TMEM150C: variants seen among roughly 807,000 people sequenced by gnomAD.
TMEM150C encodes tentonin 3.
In TMEM150C, 10 loss-of-function variants were observed where a neutral mutation model predicts 29.9. The observed-to-expected ratio is 0.33, with a 90% CI of 0.21 to 0.57. The LOEUF (loss-of-function observed/expected upper bound fraction) is 0.57. TMEM150C is among the 20% of genes least tolerant of loss of function. The pLI, the probability that TMEM150C is intolerant of heterozygous loss-of-function variation, is 0.88. For synonymous variants in TMEM150C, 101 were observed against 112.5 expected, an observed-to-expected ratio of 0.90 and a Z score of 0.64; for missense variants, 251 against 303.6, an observed-to-expected ratio of 0.83 and a Z score of 1.29.
At chr4:82,499,925 G>C (rs910879123) in intron 5 of TMEM150C, among the ~76,000 whole-genome samples, 4 of 152,070 alleles carry the variant, frequency 2.6e-5, no homozygotes, top group Admixed American at 2.0e-4. Context: ...TTATGACTGC[G>C]GTAGAACACA....
intron 5 of TMEM150C, among the ~76,000 whole-genome samples, chr4:82,499,443 C>T (rs901149363): frequency 9.2e-5 from 14 of 152,030 alleles, no homozygotes; most frequent in African/African-American, 2.4e-4. Flanking sequence ...AAATAGAGGC[C>T]GGGCGCGGTG....
chr4:82,512,092 T>C (rs1724145648), intron 1 of TMEM150C, among the ~76,000 whole-genome samples: 1 of 152,222 alleles, frequency 6.6e-6, no homozygotes, highest in Admixed American at 6.5e-5. Flanking sequence ...CCTTTGAACC[T>C]GGCCCATGAG....
Position 82,485,547 on chromosome 4 carries a change from C to G in TMEM150C, c.714G>C (p.Leu238=). The G allele has an allele frequency of 6.2e-7, 1 of 1,608,340 alleles. No homozygotes were observed. The highest frequency in any genetic ancestry group is 1.3e-5 in the African/African-American group (1 of 74,988). The change falls in exon 8 of 8, where the codon CTG becomes CTC. Residue 238 remains leucine, a synonymous_variant. Transcript: ENST00000449862. The part of the protein sequence containing the change: ...QENFLSFSES[L]SEASEYQTDQ... ...CAGTCTGATATTCAGAAGCTTCTGA[C>G]AGGCTTTCTGAGAAGCTTAGGAAAT...
rs138289297 is a variant in TMEM150C at position 82,559,133 on chromosome 4, T to C, written c.-11+2773A>G. Among the ~76,000 whole-genome samples the C allele has an allele frequency of 9.9e-3, 1,505 of 152,266 alleles. 16 individuals carry two copies. The highest frequency in any genetic ancestry group is 0.015 in the Non-Finnish European group (1,049 of 68,032). ...CTATCCCAAAACCTACAAAAACTAA[T>C]GATAATCCCACCACCCTTTGCTGAC... On this transcript the variant is annotated intron_variant, in intron 1 of 7. Coordinates refer to ENST00000449862, the MANE Select transcript of TMEM150C (RefSeq NM_001080506.3).
chr4:82,490,321 A>G (rs937827614), intron 6 of TMEM150C, 83 bp from the exon 7 acceptor site: 39 of 1,143,168 alleles, frequency 3.4e-5, no homozygotes, highest in Admixed American at 2.0e-4. Context: ...ATATGAGGGG[A>G]AAAGATAGGA....
chr4:82,493,523 A>T lies in TMEM150C; in HGVS notation c.363+2545T>A, dbSNP rs1723439235. Reference sequence around the variant, plus strand: ...CATGTATTCTGTTATATTCCGGCAAACGTTCTTCATAAGTAGTGTCAACAT... The same window carrying T: ...CATGTATTCTGTTATATTCCGGCAATCGTTCTTCATAAGTAGTGTCAACAT... On this transcript the variant is annotated intron_variant, in intron 6 of 7. Transcript: ENST00000449862. 1.3e-5 allele frequency among the ~76,000 whole-genome samples: 2 copies of T among 152,186 alleles called. 1 individual carries two copies. The highest frequency in any genetic ancestry group is 4.8e-5 in the African/African-American group (2 of 41,454).
intron 1 of TMEM150C, among the ~76,000 whole-genome samples, chr4:82,553,092 G>C (rs960191795): frequency 6.6e-6 from 1 of 152,076 alleles, no homozygotes; most frequent in Non-Finnish European, 1.5e-5. Context: ...CACCTTTATG[G>C]GCCACCTGGT....
chr4:82,525,004 A>C (rs1220500975), intron 1 of TMEM150C, among the ~76,000 whole-genome samples: 1 of 152,204 alleles, frequency 6.6e-6, no homozygotes, highest in Non-Finnish European at 1.5e-5. Flanking sequence ...GTACTGGGGG[A>C]GCAGGAACCT....
chr4:82,529,073 G>A (rs1266465413), intron 1 of TMEM150C, among the ~76,000 whole-genome samples: 1 of 152,086 alleles, frequency 6.6e-6, no homozygotes, highest in Non-Finnish European at 1.5e-5. Flanking sequence ...AGTGTGTGAA[G>A]GGAGAGAGGA....
At chr4:82,526,271 C>A (rs533067143) in intron 1 of TMEM150C, among the ~76,000 whole-genome samples, 1 of 152,144 alleles carries the variant, frequency 6.6e-6, no homozygotes, top group African/African-American at 2.4e-5. Context: ...GAGATAAGGA[C>A]AACTATATTT....
At chr4:82,536,356 C>CA (rs567469021) in intron 1 of TMEM150C, among the ~76,000 whole-genome samples, 4,764 of 78,892 alleles carry the variant, frequency 0.06, 222 homozygotes, top group African/African-American at 0.11. Context: ...GACTCCATCT[C>CA]AAAAAAAAAA....
At chr4:82,550,488 T>C (rs28534693) in intron 1 of TMEM150C, among the ~76,000 whole-genome samples, 1 of 151,674 alleles carries the variant, frequency 6.6e-6, no homozygotes, top group South Asian at 2.1e-4. Flanking sequence ...AAAAAATAGA[T>C]TGAGGAGTAG....
chr4:82,541,451 G>C (rs892191446), intron 1 of TMEM150C, among the ~76,000 whole-genome samples: 16 of 152,038 alleles, frequency 1.1e-4, no homozygotes, highest in East Asian at 1.9e-4. Flanking sequence ...AACAGAGAGG[G>C]GAAAAGAAAA....
In TMEM150C at chr4:82,560,479, C is replaced by T. The variant is rs113334524; in HGVS notation, c.-11+1427G>A. 4.0e-3 allele frequency among the ~76,000 whole-genome samples: 614 copies of T among 152,248 alleles called. 3 individuals are homozygous for T. Among genetic ancestry groups the T allele is most frequent in the African/African-American group, 0.01 (433 of 41,550 alleles). On this transcript the variant is annotated intron_variant, in intron 1 of 7. Coordinates refer to ENST00000449862, the MANE Select transcript of TMEM150C (RefSeq NM_001080506.3). The stretch of plus-strand genomic sequence containing the variant: ...CACCATTAAAATTCCTACGCTTATG[C>T]CTTGAAGATTAAACTCACATTTCTA...
At chr4:82,562,168 G>A (rs770165700), upstream of TMEM150C, 3 of 1,281,628 alleles carry the variant, frequency 2.3e-6, no homozygotes, top group South Asian at 2.5e-5. Context: ...GTCACCCGGG[G>A]CAGGAGCCGG....
chr4:82,491,415 A>G, intron 6 of TMEM150C: 1 of 659,712 alleles, frequency 1.5e-6, no homozygotes, highest in Admixed American at 2.3e-5. Flanking sequence ...GGTTAATTGC[A>G]GCCGCTTATA....
At chr4:82,527,705 A>G (rs1400572874) in intron 1 of TMEM150C, among the ~76,000 whole-genome samples, 3 of 152,186 alleles carry the variant, frequency 2.0e-5, no homozygotes, top group African/African-American at 7.2e-5. Flanking sequence ...CCAGCATCAG[A>G]AGTGAAGAAA....
At chr4:82,534,236 T>C (rs754840850) in intron 1 of TMEM150C, among the ~76,000 whole-genome samples, 2 of 152,132 alleles carry the variant, frequency 1.3e-5, no homozygotes, top group Non-Finnish European at 2.9e-5. Context: ...AAATAACAAG[T>C]ATAATTCTGT....
At chr4:82,489,669 A>C (rs1275323516) in intron 7 of TMEM150C, among the ~76,000 whole-genome samples, 1 of 152,210 alleles carries the variant, frequency 6.6e-6, no homozygotes, top group Non-Finnish European at 1.5e-5. Flanking sequence ...TTTCAGAGCT[A>C]ATAAATGAAA....
Sources: gnomAD v4.1 joint callset for allele counts (sites outside exome capture counted in the v4.1 genomes callset) on GRCh38, gnomAD v4.1.1 for gene constraint, MANE v1.5 for transcripts, NCBI Gene and HGNC (gene_info 2026-07-23, HGNC 2026-07-21) for gene names.